Variants in SPIRE1 observed in about 807,000 individuals in gnomAD.
SPIRE1 encodes the protein protein spire homolog 1.
Under a neutral mutation model 94.1 loss-of-function variants are expected in SPIRE1, and 40 were observed. The ratio of observed to expected loss-of-function variants is 0.43; its 90% CI spans 0.33 to 0.55. The LOEUF is 0.55. SPIRE1 is among the 20% of genes least tolerant of loss of function. The pLI is 0.06. For synonymous variants in SPIRE1, 376 were observed against 371.7 expected (o/e 1.01, Z -0.13); for missense variants, 838 against 975.2 (o/e 0.86, Z 1.87).
intron 2 of SPIRE1, among the ~76,000 whole-genome samples, chr18:12,601,885 C>G (rs2036844712): frequency 6.6e-6 from 1 of 152,120 alleles, no homozygotes; most frequent in Non-Finnish European, 1.5e-5. Context: ...CCTGGCACAA[C>G]AAGATGATTT....
At chr18:12,577,150 A>T (rs555429226) in intron 2 of SPIRE1, among the ~76,000 whole-genome samples, 1 of 151,894 alleles carries the variant, frequency 6.6e-6, no homozygotes, top group East Asian at 1.9e-4. Flanking sequence ...TATTATTATT[A>T]TTATTTTTAT....
intron 2 of SPIRE1, among the ~76,000 whole-genome samples, chr18:12,593,657 A>C (rs2036591948): frequency 6.6e-6 from 1 of 152,216 alleles, no homozygotes; most frequent in African/African-American, 2.4e-5. Context: ...CACTTAAGAA[A>C]GCATGCAATT....
chr18:12,460,684 C>T (rs2031751431), intron 12 of SPIRE1, among the ~76,000 whole-genome samples: 1 of 151,494 alleles, frequency 6.6e-6, no homozygotes, highest in Admixed American at 6.6e-5. Flanking sequence ...TGCACTCCAG[C>T]CTGCGCAACA....
chr18:12,449,626 A>G lies in SPIRE1; in HGVS notation c.*12T>C, dbSNP rs1461476863. 1 of 1,611,314 alleles carries G rather than the reference A, an allele frequency of 6.2e-7. No homozygotes were observed. Among genetic ancestry groups the G allele is most frequent in the Non-Finnish European group, 8.5e-7 (1 of 1,178,012 alleles). On this transcript the variant is annotated 3_prime_UTR_variant, in exon 17 of 17. Transcript: ENST00000409402. Reference sequence around the variant, plus strand: ...TGACTCGTAGCACAAAAGCAGCTGAAAGGCACGAGGCTCAGATCTCACTGA... The same window carrying G: ...TGACTCGTAGCACAAAAGCAGCTGAGAGGCACGAGGCTCAGATCTCACTGA...
intron 2 of SPIRE1, among the ~76,000 whole-genome samples, chr18:12,547,589 C>T (rs1033611185): frequency 6.6e-6 from 1 of 152,202 alleles, no homozygotes; most frequent in Non-Finnish European, 1.5e-5. Flanking sequence ...TAAAAAAGCA[C>T]ATATAAAACC....
intron 2 of SPIRE1, among the ~76,000 whole-genome samples, chr18:12,557,283 C>T (rs2035543860): frequency 6.6e-6 from 1 of 152,220 alleles, no homozygotes. Context: ...GGCTGCAGGT[C>T]CCAAGCCCTG....
intron 10 of SPIRE1, among the ~76,000 whole-genome samples, chr18:12,475,719 G>T (rs545328283): frequency 2.6e-5 from 4 of 152,218 alleles, no homozygotes. Context: ...GGAATAGATA[G>T]AATTCCTCAA....
At chr18:12,552,011 G>A (rs1237310744) in intron 2 of SPIRE1, among the ~76,000 whole-genome samples, 2 of 152,316 alleles carry the variant, frequency 1.3e-5, no homozygotes, top group South Asian at 2.1e-4. Flanking sequence ...ACTTTGCACC[G>A]AATTCAGTGC....
chr18:12,490,635 C>G (rs1339828070), intron 8 of SPIRE1, among the ~76,000 whole-genome samples: 1 of 152,104 alleles, frequency 6.6e-6, no homozygotes, highest in Non-Finnish European at 1.5e-5. Flanking sequence ...CAGCTTAACA[C>G]ATGAAAATCA....
At chr18:12,612,213 C>A (rs529203732) in intron 2 of SPIRE1, among the ~76,000 whole-genome samples, 2 of 152,190 alleles carry the variant, frequency 1.3e-5, no homozygotes, top group African/African-American at 4.8e-5. Context: ...AGATTTCACA[C>A]GGTTGATCAC....
At chr18:12,633,062 C>A (rs1343511742) in intron 2 of SPIRE1, among the ~76,000 whole-genome samples, 1 of 151,874 alleles carries the variant, frequency 6.6e-6, no homozygotes, top group East Asian at 1.9e-4. Context: ...TACAAATTAC[C>A]ATTAACATTT....
At chr18:12,658,522 C>T (rs1314825632), upstream of SPIRE1, 1 of 464,906 alleles carries the variant, frequency 2.2e-6, no homozygotes. Context: ...CGCGCCAACC[C>T]GGGTCACCGC....
intron 3 of SPIRE1, among the ~76,000 whole-genome samples, chr18:12,543,237 CTGCTGGT>C (rs2035059922): frequency 6.6e-6 from 1 of 152,168 alleles, no homozygotes; most frequent in Non-Finnish European, 1.5e-5. Context: ...TAGTCAAGGT[CTGCTGGT>C]GACAAATTTT....
chr18:12,481,211 T>C (rs990293260), intron 9 of SPIRE1, among the ~76,000 whole-genome samples: 5 of 151,922 alleles, frequency 3.3e-5, no homozygotes, highest in African/African-American at 1.2e-4. Flanking sequence ...ACGCCTGTAA[T>C]CCCAGCTACT....
At chr18:12,631,532 C>A (rs542243722) in intron 2 of SPIRE1, among the ~76,000 whole-genome samples, 1 of 39,028 alleles carries the variant, frequency 2.6e-5, no homozygotes, top group East Asian at 9.1e-4. Flanking sequence ...GGCAACATAG[C>A]AAAACCCCAT....
intron 10 of SPIRE1, among the ~76,000 whole-genome samples, chr18:12,475,491 T>A (rs991278081): frequency 1.3e-5 from 2 of 151,416 alleles, no homozygotes; most frequent in African/African-American, 4.8e-5. Flanking sequence ...AATATTTGAA[T>A]GGAAAAAATG....
chr18:12,505,798 C>T (rs547941200), intron 6 of SPIRE1, among the ~76,000 whole-genome samples: 19 of 152,068 alleles, frequency 1.2e-4, no homozygotes, highest in South Asian at 4.2e-4. Flanking sequence ...AAGCTAGAAA[C>T]GATATAGCCA....
At chr18:12,579,186 TACACACACAC>T (rs755425946) in intron 2 of SPIRE1, among the ~76,000 whole-genome samples, 1 of 108,460 alleles carries the variant, frequency 9.2e-6, no homozygotes, top group Non-Finnish European at 1.9e-5. Context: ...GGAAAAAGTT[TACACACACAC>T]ACATACACAC....
At chr18:12,561,494 G>A (rs549921301) in intron 2 of SPIRE1, among the ~76,000 whole-genome samples, 69 of 152,108 alleles carry the variant, frequency 4.5e-4, no homozygotes, top group Non-Finnish European at 4.7e-4. Flanking sequence ...TCGAACTCCC[G>A]ACCTCAGGTG....
Sources: gnomAD v4.1 joint callset for allele counts (sites outside exome capture counted in the v4.1 genomes callset) on GRCh38, gnomAD v4.1.1 for gene constraint, MANE v1.5 for transcripts, NCBI Gene and HGNC (gene_info 2026-07-23, HGNC 2026-07-21) for gene names.